The following GABRB3 variants were observed in gnomAD, a reference collection of about 807,000 sequenced individuals.
The protein encoded by GABRB3 is gamma-aminobutyric acid type A receptor subunit beta3.
GABRB3 carries 14 observed loss-of-function variants against 52.1 expected under a neutral mutation model. The ratio of observed to expected loss-of-function variants is 0.27; its 90% CI spans 0.18 to 0.42. The LOEUF (loss-of-function observed/expected upper bound fraction) is 0.42, where lower values mean the gene tolerates loss of function less well. GABRB3 is among the 10% of genes least tolerant of loss of function. The probability of loss-of-function intolerance (pLI) is 1.00; values close to 1 mark genes in which losing one functional copy is unlikely to be tolerated. For missense variants in GABRB3, 307 were observed against 609.1 expected, an observed-to-expected ratio of 0.50 and a Z score of 5.22; for synonymous variants, 260 against 232.3, an observed-to-expected ratio of 1.12 and a Z score of -1.08.
At chr15:26,753,412 G>T in intron 3 of GABRB3, among the ~76,000 whole-genome samples, 1 of 152,218 alleles carries the variant, frequency 6.6e-6, no homozygotes, top group East Asian at 1.9e-4. Flanking sequence ...GAAAAAAGGA[G>T]CGGTCTTCAC....
In GABRB3 at chr15:26,682,206, T is replaced by G. The variant is rs76635931; in HGVS notation, c.241-60672A>C. On this transcript the variant is annotated intron_variant, in intron 3 of 8. Transcript: ENST00000311550. ...GTGACTCATCCACAGCACAGGCAAC[T>G]CTACTTTCCCCTTCACATTCACAAC... 1.7e-3 allele frequency among the ~76,000 whole-genome samples: 255 copies of G among 152,260 alleles called. 1 individual carries two copies. The East Asian group carries it at 0.018, about 11-fold the overall frequency.
chr15:26,616,822 T>C (rs1372565808), intron 4 of GABRB3, among the ~76,000 whole-genome samples: 1 of 152,188 alleles, frequency 6.6e-6, no homozygotes, highest in Non-Finnish European at 1.5e-5. Context: ...TTACCTAAAA[T>C]CCAACATTTT....
intron 3 of GABRB3, among the ~76,000 whole-genome samples, chr15:26,767,956 C>G (rs1001151704): frequency 2.0e-5 from 3 of 152,062 alleles, no homozygotes; most frequent in Non-Finnish European, 2.9e-5. Context: ...GATACAGCTA[C>G]AAAGCTGCTT....
chr15:26,726,565 C>A (rs1480334408), intron 3 of GABRB3, among the ~76,000 whole-genome samples: 1 of 152,172 alleles, frequency 6.6e-6, no homozygotes, highest in Non-Finnish European at 1.5e-5. Context: ...GGAGTTCCGA[C>A]AAGGTATCCT....
chr15:26,724,591 G>A (rs1294106075), intron 3 of GABRB3, among the ~76,000 whole-genome samples: 1 of 152,118 alleles, frequency 6.6e-6, no homozygotes, highest in Non-Finnish European at 1.5e-5. Flanking sequence ...CCAGTCTACA[G>A]CAGATGTACA....
At chr15:26,684,412 T>C (rs1888336601) in intron 3 of GABRB3, among the ~76,000 whole-genome samples, 1 of 152,122 alleles carries the variant, frequency 6.6e-6, no homozygotes, top group African/African-American at 2.4e-5. Context: ...TGTTCACATA[T>C]GGGAAGAAAA....
intron 3 of GABRB3, among the ~76,000 whole-genome samples, chr15:26,767,632 T>C (rs1344237380): frequency 1.3e-5 from 2 of 152,102 alleles, no homozygotes; most frequent in African/African-American, 4.8e-5. Context: ...ACACACTACA[T>C]GGACCCCTGG....
At chr15:26,579,435 A>G (rs1049564358) in intron 6 of GABRB3, among the ~76,000 whole-genome samples, 1 of 152,224 alleles carries the variant, frequency 6.6e-6, no homozygotes, top group African/African-American at 2.4e-5. Flanking sequence ...AGCTAGCCAC[A>G]TGAAGGCGAA....
intron 4 of GABRB3, among the ~76,000 whole-genome samples, chr15:26,595,978 A>C (rs1458197942): frequency 6.6e-6 from 1 of 152,118 alleles, no homozygotes; most frequent in Non-Finnish European, 1.5e-5. Flanking sequence ...GTAAGTTCTC[A>C]TTAAATGTGT....
At chr15:26,593,603 T>C (rs989238525) in intron 4 of GABRB3, among the ~76,000 whole-genome samples, 2 of 152,202 alleles carry the variant, frequency 1.3e-5, no homozygotes, top group Admixed American at 1.3e-4. Context: ...GTTCAATTAC[T>C]ATATTTTTTT....
At chr15:26,648,902 G>A (rs187841752) in intron 3 of GABRB3, among the ~76,000 whole-genome samples, 34 of 152,262 alleles carry the variant, frequency 2.2e-4, no homozygotes, top group African/African-American at 7.9e-4. Context: ...GGGGTTCCAG[G>A]GAGGGGCTGG....
At chr15:26,762,588 T>C (rs1262366595) in intron 3 of GABRB3, among the ~76,000 whole-genome samples, 4 of 152,106 alleles carry the variant, frequency 2.6e-5, no homozygotes, top group Admixed American at 6.5e-5. Flanking sequence ...TCATGAAGAT[T>C]TGCAAAATCA....
intron 5 of GABRB3, 86 bp from the exon 6 acceptor site, chr15:26,580,542 G>A: frequency 6.4e-7 from 1 of 1,551,416 alleles, no homozygotes; most frequent in Non-Finnish European, 8.9e-7. Context: ...CATGGAGGTT[G>A]CGGCTCTGCT....
At chr15:26,549,772 C>G (rs1345881003) in intron 8 of GABRB3, among the ~76,000 whole-genome samples, 1 of 152,084 alleles carries the variant, frequency 6.6e-6, no homozygotes, top group African/African-American at 2.4e-5. Context: ...GACCATACCT[C>G]CCAGCATCAC....
chr15:26,700,062 C>A (rs1888877289), intron 3 of GABRB3, among the ~76,000 whole-genome samples: 1 of 151,466 alleles, frequency 6.6e-6, no homozygotes, highest in African/African-American at 2.4e-5. Flanking sequence ...ACAAAAAGTT[C>A]TTCAAAAAAA....
rs773067819 is a variant in GABRB3 at position 26,772,483 on chromosome 15, A to C, written c.173-14T>G. On this transcript the variant is annotated splice_polypyrimidine_tract_variant and intron_variant, in intron 2 of 8. Coordinates refer to ENST00000311550, the MANE Select transcript of GABRB3 (RefSeq NM_000814.6). ...AGACCGGGGGACCTGCGGGAAGCAC[A>C]GGACACGGCGATCAGCCCAGCTCCG... The C allele has an allele frequency of 1.9e-6, 3 of 1,608,960 alleles. No homozygotes were observed.
chr15:26,652,997 G>A (rs1262556472), intron 3 of GABRB3, among the ~76,000 whole-genome samples: 1 of 152,148 alleles, frequency 6.6e-6, no homozygotes, highest in Non-Finnish European at 1.5e-5. Context: ...AATTGCAACA[G>A]GGAGAAAACT....
intron 4 of GABRB3, among the ~76,000 whole-genome samples, chr15:26,585,184 G>C (rs1218937534): frequency 6.6e-6 from 1 of 152,178 alleles, no homozygotes; most frequent in African/African-American, 2.4e-5. Flanking sequence ...TGCAGGAGTT[G>C]TGTAACTGGC....
At chr15:26,680,546 C>T (rs577774140) in intron 3 of GABRB3, among the ~76,000 whole-genome samples, 1 of 122,518 alleles carries the variant, frequency 8.2e-6, no homozygotes, top group South Asian at 2.7e-4. Context: ...GAACACTGTT[C>T]GATATGTCTT....
Sources: gnomAD v4.1 joint callset for allele counts (sites outside exome capture counted in the v4.1 genomes callset) on GRCh38, gnomAD v4.1.1 for gene constraint, MANE v1.5 for transcripts, NCBI Gene and HGNC (gene_info 2026-07-23, HGNC 2026-07-21) for gene names.